Variants in ALK observed in about 807,000 individuals in gnomAD.
The protein encoded by ALK is ALK tyrosine kinase receptor.
ALK carries 74 observed loss-of-function variants against 163.1 expected under a neutral mutation model. That is an observed-to-expected ratio of 0.45 (90% CI 0.38 to 0.55). The LOEUF (loss-of-function observed/expected upper bound fraction) is 0.55, where lower values mean the gene tolerates loss of function less well. ALK is among the 20% of genes least tolerant of loss of function. The pLI, the probability that ALK is intolerant of heterozygous loss-of-function variation, is 0.00. For synonymous variants in ALK, 960 were observed against 843.2 expected (o/e 1.14, Z -2.40); for missense variants, 2,063 against 2,105.3 (o/e 0.98, Z 0.39).
intron 4 of ALK, among the ~76,000 whole-genome samples, chr2:29,478,862 G>A (rs1396061732): frequency 6.6e-6 from 1 of 152,188 alleles, no homozygotes; most frequent in African/African-American, 2.4e-5. Context: ...CAGAGGGTGG[G>A]AGCATAGCTG....
chr2:29,622,519 C>G (rs1010110506), intron 3 of ALK, among the ~76,000 whole-genome samples: 3 of 152,172 alleles, frequency 2.0e-5, no homozygotes, highest in African/African-American at 7.2e-5. Context: ...GGGTCCCTCC[C>G]ACAACATATG....
At chr2:29,852,744 G>A (rs1666029253) in intron 1 of ALK, among the ~76,000 whole-genome samples, 1 of 152,166 alleles carries the variant, frequency 6.6e-6, no homozygotes, top group Non-Finnish European at 1.5e-5. Flanking sequence ...ATTTGGAAGT[G>A]AGACCTTTGG....
intron 3 of ALK, among the ~76,000 whole-genome samples, chr2:29,668,880 G>A (rs1225909871): frequency 6.6e-6 from 1 of 152,046 alleles, no homozygotes. Flanking sequence ...TTGGTGGCAG[G>A]CAAGAGAGAG....
chr2:29,208,214 T>C (rs910561892), intron 25 of ALK, among the ~76,000 whole-genome samples: 12 of 151,702 alleles, frequency 7.9e-5, no homozygotes, highest in Admixed American at 5.3e-4. Context: ...GAGGCAGGGG[T>C]AGGGAAAGCT....
intron 4 of ALK, among the ~76,000 whole-genome samples, chr2:29,511,208 C>A (rs1259366638): frequency 6.6e-6 from 1 of 152,138 alleles, no homozygotes; most frequent in Non-Finnish European, 1.5e-5. Context: ...GAAACCACAA[C>A]TACATTCCAA....
intron 4 of ALK, 124 bp downstream of exon 4, chr2:29,531,791 C>T: frequency 1.9e-6 from 2 of 1,032,254 alleles, no homozygotes; most frequent in South Asian, 1.3e-5. Flanking sequence ...AATTGCTCAA[C>T]CTGGACCTAC....
chr2:29,567,430 A>C (rs1432404566), intron 3 of ALK, among the ~76,000 whole-genome samples: 1 of 152,170 alleles, frequency 6.6e-6, no homozygotes, highest in East Asian at 1.9e-4. Context: ...TATTCTCCAC[A>C]TCCCCAGACC....
At chr2:29,834,248 A>C (rs1665498986) in intron 1 of ALK, among the ~76,000 whole-genome samples, 1 of 152,204 alleles carries the variant, frequency 6.6e-6, no homozygotes, top group Non-Finnish European at 1.5e-5. Context: ...TGAGAGCTCT[A>C]ATCACACAGT....
At chr2:29,665,672 C>T (rs1211783300) in intron 3 of ALK, among the ~76,000 whole-genome samples, 1 of 152,026 alleles carries the variant, frequency 6.6e-6, no homozygotes, top group Non-Finnish European at 1.5e-5. Flanking sequence ...GAGCTCTTGG[C>T]TAAGAACATT....
At chr2:29,539,728 G>A (rs547475989) in intron 3 of ALK, among the ~76,000 whole-genome samples, 1 of 152,238 alleles carries the variant, frequency 6.6e-6, no homozygotes, top group Admixed American at 6.5e-5. Context: ...AATTACATGG[G>A]ACTGAACTAA....
At chr2:29,350,947 A>G (rs991314782) in intron 5 of ALK, among the ~76,000 whole-genome samples, 38 of 152,306 alleles carry the variant, frequency 2.5e-4, no homozygotes, top group African/African-American at 8.7e-4. Flanking sequence ...GTGCTTCATG[A>G]AAAGATTATT....
At position 29,799,930 on chromosome 2, in the gene ALK, C is replaced by T. The variant is rs2148363414; in HGVS notation, c.668-82233G>A. On this transcript the variant is annotated intron_variant, in intron 1 of 28. Transcript: ENST00000389048. Reference sequence around the variant, plus strand: ...GCATCCTTGCATTCATCTATTCATTCAGCACACCTGTGTTCAGAACTTTCT... The same window carrying T: ...GCATCCTTGCATTCATCTATTCATTTAGCACACCTGTGTTCAGAACTTTCT... Among the ~76,000 whole-genome samples the T allele has an allele frequency of 2.0e-5, 3 of 152,344 alleles. 1 individual carries two copies. The highest frequency in any genetic ancestry group is 6.8e-3 in the Middle Eastern group (2 of 294).
At chr2:29,769,062 G>A (rs1680943764) in intron 1 of ALK, among the ~76,000 whole-genome samples, 1 of 152,070 alleles carries the variant, frequency 6.6e-6, no homozygotes, top group Non-Finnish European at 1.5e-5. Flanking sequence ...TTGAACTGCT[G>A]GGCTCAAGTG....
rs936356629 is a variant in ALK, at chr2:29,208,524, G to A, written c.3837-1252C>T. Among the ~76,000 whole-genome samples the A allele has an allele frequency of 3.3e-5, 5 of 152,218 alleles. No homozygotes were observed. In the South Asian group the frequency reaches 6.2e-4, roughly 19 times the overall value. ...CTTGTGGGTAGTGTTAGAAGGCGAA[G>A]TGGAGCAGAGGAGAGGAGTGCGACG... On this transcript the variant is annotated intron_variant, in intron 25 of 28. Transcript: ENST00000389048.
chr2:29,522,242 C>T (rs1672834303), intron 4 of ALK, among the ~76,000 whole-genome samples: 1 of 152,182 alleles, frequency 6.6e-6, no homozygotes, highest in Non-Finnish European at 1.5e-5. Context: ...CTTAACCTCA[C>T]TGAGCCTCAG....
Position 29,809,803 on chromosome 2 carries a change from C to A in ALK, c.668-92106G>T, listed in dbSNP as rs368655289. 8.9e-4 allele frequency among the ~76,000 whole-genome samples: 135 copies of A among 152,278 alleles called. 4 individuals are homozygous for A. The South Asian group carries it at 0.027, about 31-fold the overall frequency. On this transcript the variant is annotated intron_variant, in intron 1 of 28. Transcript: ENST00000389048. Reference sequence around the variant, plus strand: ...ATTCCAAAGAGCAACTAGTATTGTCCAGCAGGTTTGTGAAGAGCACAGGGA... The same window carrying A: ...ATTCCAAAGAGCAACTAGTATTGTCAAGCAGGTTTGTGAAGAGCACAGGGA...
intron 1 of ALK, among the ~76,000 whole-genome samples, chr2:29,908,177 T>C (rs1462093135): frequency 6.6e-6 from 1 of 152,040 alleles, no homozygotes; most frequent in Non-Finnish European, 1.5e-5. Context: ...TTCTCTAGCA[T>C]CAAATCAAAA....
At chr2:29,311,159 C>T (rs1289010880) in intron 8 of ALK, among the ~76,000 whole-genome samples, 1 of 152,186 alleles carries the variant, frequency 6.6e-6, no homozygotes, top group Non-Finnish European at 1.5e-5. Flanking sequence ...GGTTTCAGCA[C>T]CAGGGTGAGG....
At chr2:29,377,247 T>A (rs760186830) in intron 5 of ALK, among the ~76,000 whole-genome samples, 6 of 152,030 alleles carry the variant, frequency 3.9e-5, no homozygotes, top group Non-Finnish European at 8.8e-5. Flanking sequence ...GAAGCCAGGG[T>A]GGGCGGATCA....
Sources: gnomAD v4.1 joint callset for allele counts (sites outside exome capture counted in the v4.1 genomes callset) on GRCh38, gnomAD v4.1.1 for gene constraint, MANE v1.5 for transcripts, NCBI Gene and HGNC (gene_info 2026-07-23, HGNC 2026-07-21) for gene names.